BCL2: variants seen among roughly 807,000 people sequenced by gnomAD.
BCL2 encodes apoptosis regulator Bcl-2.
Under a neutral mutation model 14.2 loss-of-function variants are expected in BCL2, and 1 was observed. That is an observed-to-expected ratio of 0.07 (90% confidence interval 0.02 to 0.33). BCL2 has a LOEUF of 0.33. BCL2 is among the 10% of genes least tolerant of loss of function. The probability of loss-of-function intolerance (pLI) is 0.99; values close to 1 mark genes in which losing one functional copy is unlikely to be tolerated. For synonymous variants in BCL2, 151 were observed against 137.2 expected (o/e 1.10, Z -0.70); for missense variants, 247 against 305.9 (o/e 0.81, Z 1.44).
Position 63,125,697 on chromosome 18 carries a change from A to G in BCL2, c.*2928T>C, listed in dbSNP as rs1476628389. 1 of 213,690 alleles carries G rather than the reference A, an allele frequency of 4.7e-6. No individual in the cohort carries two copies. Among genetic ancestry groups the G allele is most frequent in the Non-Finnish European group, 9.5e-6 (1 of 105,640 alleles). 13.2% of individuals were successfully genotyped at this position (213,690 alleles called of 1,614,324 possible). On this transcript the variant is annotated 3_prime_UTR_variant, in exon 3 of 3. Coordinates refer to ENST00000333681, the MANE Select transcript of BCL2 (RefSeq NM_000633.3). The stretch of plus-strand genomic sequence containing the variant: ...TAATGAAAAAAAAGAAGAGGAGAAA[A>G]AAATGACTAGTTGAGGCTTTTATAT...
chr18:63,268,092 A>G (rs945629242), intron 2 of BCL2, among the ~76,000 whole-genome samples: 2 of 152,196 alleles, frequency 1.3e-5, no homozygotes, highest in Non-Finnish European at 2.9e-5. Context: ...GAAAGCTGTC[A>G]CTGTTGTGTA....
At chr18:63,185,013 T>C (rs1387862568) in intron 2 of BCL2, among the ~76,000 whole-genome samples, 1 of 152,198 alleles carries the variant, frequency 6.6e-6, no homozygotes, top group Non-Finnish European at 1.5e-5. Flanking sequence ...ACTCCTGACC[T>C]GCTAAATCCT....
At chr18:63,200,539 T>C (rs1909660849) in intron 2 of BCL2, among the ~76,000 whole-genome samples, 2 of 152,198 alleles carry the variant, frequency 1.3e-5, no homozygotes, top group South Asian at 4.1e-4. Context: ...AGTTTCTCCC[T>C]ACACTCCCGC....
intron 2 of BCL2, among the ~76,000 whole-genome samples, chr18:63,233,108 G>A (rs1033683467): frequency 1.3e-5 from 2 of 152,134 alleles, no homozygotes; most frequent in African/African-American, 4.8e-5. Flanking sequence ...AGAGCTCCGT[G>A]GGGTCTCTTT....
At chr18:63,216,074 A>G (rs1003365501) in intron 2 of BCL2, among the ~76,000 whole-genome samples, 10 of 152,144 alleles carry the variant, frequency 6.6e-5, no homozygotes, top group Admixed American at 4.6e-4. Flanking sequence ...GAGCCTATCA[A>G]CATATTAACA....
In BCL2 at chr18:63,318,775, G is replaced by A; in HGVS notation, c.-109C>T. 6.6e-7 allele frequency: 1 copy of A among 1,524,112 alleles called. No individual in the cohort carries two copies. Among genetic ancestry groups the A allele is most frequent in the Middle Eastern group, 1.7e-4 (1 of 5,740 alleles). The allele number at this position is 1,524,112 out of a possible 1,614,324, so 94.4% of individuals were successfully genotyped here. On this transcript the variant is annotated 5_prime_UTR_variant, in exon 2 of 3. Transcript: ENST00000333681. This position sits in a 1 kb window ranked among gnomAD's most constrained non-coding sequence, Gnocchi z 7.4. ...TTATAATCCAGCTATTTTATTGGAT[G>A]TGCTTTGCATTCTTGGACGAGGGGG...
rs1555697353 is a variant in BCL2, at chr18:63,169,336, C to CCTTCCTTTCTTT, written c.586-40578_586-40577insAAAGAAAGGAAG. On this transcript the variant is annotated intron_variant, in intron 2 of 2. Coordinates refer to ENST00000333681, the MANE Select transcript of BCL2 (RefSeq NM_000633.3). ...CCTTCCTTCCTTCTTTCCTTTCCTT[C>CCTTCCTTTCTTT]CTTTCTTTCTTTCTTTCTTTCTTTC... is the stretch of plus-strand genomic sequence containing the variant. Among the ~76,000 whole-genome samples, 91 of 62,090 alleles carry CCTTCCTTTCTTT rather than the reference C, an allele frequency of 1.5e-3. 3 individuals carry two copies. The highest frequency in any genetic ancestry group is 1.6e-3 in the Non-Finnish European group (52 of 33,292). The allele number at this position is 62,090 out of a possible 152,430, so 40.7% of individuals were successfully genotyped here.
intron 2 of BCL2, among the ~76,000 whole-genome samples, chr18:63,137,617 G>A (rs994927385): frequency 1.2e-4 from 19 of 152,084 alleles, no homozygotes; most frequent in Admixed American, 1.2e-3. Flanking sequence ...ATGGTTAGCC[G>A]GTTCCCAAGG....
intron 2 of BCL2, among the ~76,000 whole-genome samples, chr18:63,226,390 T>TGA (rs879808500): frequency 1.3e-4 from 20 of 152,132 alleles, no homozygotes; most frequent in Non-Finnish European, 2.4e-4. Flanking sequence ...GGGCCCTCAC[T>TGA]GGGACCCACC....
chr18:63,256,375 C>A lies in BCL2; in HGVS notation c.585+61707G>T, dbSNP rs1408372018. ...GGGACTACAGGTGTGCACCACCACACCCAGCTAATTTTTGTGTTTTTAGTA... is the reference window on the plus strand; with the variant it reads ...GGGACTACAGGTGTGCACCACCACAACCAGCTAATTTTTGTGTTTTTAGTA... On this transcript the variant is annotated intron_variant, in intron 2 of 2. Coordinates refer to ENST00000333681, the MANE Select transcript of BCL2 (RefSeq NM_000633.3). Among the ~76,000 whole-genome samples, 8 of 152,288 alleles carry A rather than the reference C, an allele frequency of 5.3e-5. No homozygotes were observed. In the East Asian group the frequency reaches 1.5e-3, roughly 29 times the overall value.
intron 2 of BCL2, among the ~76,000 whole-genome samples, chr18:63,205,754 GT>G (rs1909819205): frequency 6.6e-6 from 1 of 152,144 alleles, no homozygotes; most frequent in South Asian, 2.1e-4. Context: ...GACTACTGTG[GT>G]TGGAATAAGC....
intron 2 of BCL2, among the ~76,000 whole-genome samples, chr18:63,213,547 AACACAC>A (rs57058660): frequency 0.16 from 23,064 of 146,050 alleles, 1,913 homozygotes; most frequent in Non-Finnish European, 0.19. Flanking sequence ...CACACACATA[AACACAC>A]ACACACACAC....
At chr18:63,302,182 A>C (rs1007259037) in intron 2 of BCL2, 13 of 247,080 alleles carry the variant, frequency 5.3e-5, no homozygotes, top group Non-Finnish European at 8.4e-5. Flanking sequence ...AATACAAAAA[A>C]ATGAGCTAGG....
intron 2 of BCL2, among the ~76,000 whole-genome samples, chr18:63,158,148 CGGTA>C (rs555906368): frequency 1.7e-3 from 252 of 152,142 alleles, no homozygotes; most frequent in African/African-American, 5.4e-3. Flanking sequence ...AGGCACCACT[CGGTA>C]GGAAGACCCT....
At chr18:63,263,260 G>A (rs1911714659) in intron 2 of BCL2, among the ~76,000 whole-genome samples, 1 of 152,192 alleles carries the variant, frequency 6.6e-6, no homozygotes, top group African/African-American at 2.4e-5. Flanking sequence ...GGGAACTCAG[G>A]AACCTCAAAC....
intron 2 of BCL2, among the ~76,000 whole-genome samples, chr18:63,289,840 G>A (rs886768325): frequency 6.6e-6 from 1 of 152,204 alleles, no homozygotes; most frequent in Admixed American, 6.5e-5. Flanking sequence ...GTTGCAGTGA[G>A]CCAAGATGGT....
intron 2 of BCL2, among the ~76,000 whole-genome samples, chr18:63,290,283 C>T (rs554787694): frequency 1.3e-5 from 2 of 152,124 alleles, no homozygotes; most frequent in South Asian, 4.2e-4. Context: ...AGTATATAAG[C>T]AGAACTGGAA....
At chr18:63,133,806 T>C (rs1914136648) in intron 2 of BCL2, among the ~76,000 whole-genome samples, 1 of 152,138 alleles carries the variant, frequency 6.6e-6, no homozygotes, top group South Asian at 2.1e-4. Flanking sequence ...TTAAAAAGCT[T>C]TTGTTAGTAA....
chr18:63,198,538 A>C (rs1436803185), intron 2 of BCL2, among the ~76,000 whole-genome samples: 1 of 147,956 alleles, frequency 6.8e-6, no homozygotes, highest in Non-Finnish European at 1.5e-5. Context: ...ACACACATTG[A>C]CACACAGACA....
Sources: allele counts gnomAD v4.1 joint callset (sites outside exome capture counted in the v4.1 genomes callset), GRCh38; gene constraint gnomAD v4.1.1; non-coding constraint Gnocchi (gnomAD v3.1); transcripts MANE v1.5; gene names NCBI Gene and HGNC (gene_info 2026-07-23, HGNC 2026-07-21).